PHF21A: variants seen among roughly 807,000 people sequenced by gnomAD.
PHF21A encodes the protein PHD finger protein 21A, also known as BHC80a.
PHF21A carries 11 observed loss-of-function variants against 82.5 expected under a neutral mutation model. That is an observed-to-expected ratio of 0.13 (90% CI 0.08 to 0.22). The LOEUF is 0.22. Among genes scored for constraint, PHF21A ranks in the 10% least tolerant of loss-of-function variants. PHF21A has a pLI of 1.00. For synonymous variants in PHF21A, 297 were observed against 302.8 expected, an observed-to-expected ratio of 0.98 and a Z score of 0.20; for missense variants, 579 against 837.8, an observed-to-expected ratio of 0.69 and a Z score of 3.81.
chr11:45,955,557 T>C (rs994477460), intron 10 of PHF21A, among the ~76,000 whole-genome samples: 2 of 152,164 alleles, frequency 1.3e-5, no homozygotes, highest in African/African-American at 2.4e-5. Context: ...GTAAAGCAAT[T>C]AGCAGCAGTG....
At chr11:46,012,774 CA>C (rs146048858) in intron 6 of PHF21A, among the ~76,000 whole-genome samples, 1,710 of 145,580 alleles carry the variant, frequency 0.012, 38 homozygotes, top group African/African-American at 0.039. Context: ...TGCTTAAGGC[CA>C]AACTCATTGT....
At chr11:46,076,621 A>G in intron 6 of PHF21A, 133 bp downstream of exon 6, 1 of 671,426 alleles carries the variant, frequency 1.5e-6, no homozygotes, top group Non-Finnish European at 2.6e-6. Context: ...GCTCAAACAA[A>G]ATTAAAACCA....
intron 6 of PHF21A, among the ~76,000 whole-genome samples, chr11:46,040,890 GACAC>G (rs35673374): frequency 0.27 from 36,538 of 136,984 alleles, 4,939 homozygotes; most frequent in East Asian, 0.61. Context: ...CTGACAGGAA[GACAC>G]ACACACACAC....
chr11:46,120,246 ATTT>A (rs1325522807), intron 1 of PHF21A: 1 of 148,828 alleles, frequency 6.7e-6, no homozygotes, highest in Non-Finnish European at 1.5e-5. Flanking sequence ...CCAAAAAAAA[ATTT>A]TTTTTAATTA....
intron 6 of PHF21A, among the ~76,000 whole-genome samples, chr11:46,067,933 A>G (rs1328653199): frequency 6.6e-6 from 1 of 152,138 alleles, no homozygotes; most frequent in Non-Finnish European, 1.5e-5. Flanking sequence ...GGAAGGTAGA[A>G]AGAAGTCAAG....
At chr11:46,057,860 C>T (rs1326961463) in intron 6 of PHF21A, among the ~76,000 whole-genome samples, 2 of 152,158 alleles carry the variant, frequency 1.3e-5, no homozygotes, top group African/African-American at 4.8e-5. Flanking sequence ...GAATTTTCCT[C>T]TAAAACTCCA....
At chr11:45,987,772 G>A (rs1359406344) in intron 6 of PHF21A, among the ~76,000 whole-genome samples, 6 of 149,350 alleles carry the variant, frequency 4.0e-5, no homozygotes, top group Non-Finnish European at 5.9e-5. Flanking sequence ...AGAGCAAAAC[G>A]TCTGTCCCTC....
intron 6 of PHF21A, among the ~76,000 whole-genome samples, chr11:46,038,658 T>G (rs2096065239): frequency 6.6e-6 from 1 of 152,202 alleles, no homozygotes; most frequent in African/African-American, 2.4e-5. Flanking sequence ...AGAGCTTTTT[T>G]GCTCATGAGG....
chr11:46,063,542 G>T (rs1163560908), intron 6 of PHF21A, among the ~76,000 whole-genome samples: 1 of 152,154 alleles, frequency 6.6e-6, no homozygotes, highest in Non-Finnish European at 1.5e-5. Context: ...GACAGATTTT[G>T]CCCAGGTTCA....
intron 5 of PHF21A, among the ~76,000 whole-genome samples, chr11:46,077,092 C>A (rs1407678661): frequency 1.3e-5 from 2 of 152,176 alleles, no homozygotes; most frequent in Non-Finnish European, 2.9e-5. Flanking sequence ...GGTAAGAGTA[C>A]CTGTCCACTA....
chr11:46,018,189 G>A (rs1178308308), intron 6 of PHF21A, among the ~76,000 whole-genome samples: 2 of 150,398 alleles, frequency 1.3e-5, no homozygotes, highest in Non-Finnish European at 3.0e-5. Context: ...GGCGGAGCTT[G>A]CAGTGAGCTG....
At chr11:46,025,925 A>G (rs998403859) in intron 6 of PHF21A, among the ~76,000 whole-genome samples, 2 of 152,226 alleles carry the variant, frequency 1.3e-5, no homozygotes, top group East Asian at 3.8e-4. Context: ...GACATTTCAA[A>G]ATAAAATGTT....
chr11:46,053,521 T>C (rs1429687698), intron 6 of PHF21A, among the ~76,000 whole-genome samples: 2 of 151,912 alleles, frequency 1.3e-5, no homozygotes, highest in African/African-American at 4.8e-5. Flanking sequence ...CATCAATTAG[T>C]TTTTCTTCAT....
intron 6 of PHF21A, among the ~76,000 whole-genome samples, chr11:46,076,310 T>C (rs1026999586): frequency 1.3e-5 from 2 of 152,168 alleles, no homozygotes. Flanking sequence ...GGCATGACCA[T>C]ACTTAGAATG....
chr11:46,015,895 CATCTATCTATCTATCT>C lies in PHF21A; in HGVS notation c.154-35945_154-35930del, dbSNP rs35580116. 7.2e-3 allele frequency among the ~76,000 whole-genome samples: 1,074 copies of C among 149,594 alleles called. 12 individuals are homozygous for C. Among genetic ancestry groups the C allele is most frequent in the African/African-American group, 0.025 (1,011 of 40,764 alleles). The stretch of plus-strand genomic sequence containing the variant: ...CCCGAGGCTATTGCTGTTTTACAGT[CATCTATCTATCTATCT>C]ATCTATCTATCTATCTATCTATCTA... On this transcript the variant is annotated intron_variant, in intron 6 of 18. Coordinates refer to ENST00000676320, the MANE Select transcript of PHF21A (RefSeq NM_001352027.3).
At chr11:46,022,062 A>T (rs2095642656) in intron 6 of PHF21A, among the ~76,000 whole-genome samples, 1 of 152,250 alleles carries the variant, frequency 6.6e-6, no homozygotes, top group Non-Finnish European at 1.5e-5. Context: ...TAAGGAGAGG[A>T]ACAAGAGAAT....
intron 4 of PHF21A, among the ~76,000 whole-genome samples, chr11:46,080,891 T>C (rs1425813235): frequency 2.0e-5 from 3 of 152,058 alleles, no homozygotes; most frequent in Non-Finnish European, 4.4e-5. Flanking sequence ...CTCAAAATCC[T>C]GACCTCAAGC....
At chr11:46,013,681 C>T (rs2095457814) in intron 6 of PHF21A, among the ~76,000 whole-genome samples, 1 of 152,188 alleles carries the variant, frequency 6.6e-6, no homozygotes, top group Admixed American at 6.5e-5. Flanking sequence ...TTAGATGGTA[C>T]AGCCTACTAC....
chr11:46,119,864 C>T (rs1048458617), intron 1 of PHF21A: 1 of 148,818 alleles, frequency 6.7e-6, no homozygotes, highest in African/African-American at 2.4e-5. Flanking sequence ...GGAAAGAGTC[C>T]CACTCCGCGC....
Sources: gnomAD v4.1 joint callset for allele counts (sites outside exome capture counted in the v4.1 genomes callset) on GRCh38, gnomAD v4.1.1 for gene constraint, MANE v1.5 for transcripts, NCBI Gene and HGNC (gene_info 2026-07-23, HGNC 2026-07-21) for gene names.